AHCY: variants seen among roughly 807,000 people sequenced by gnomAD.
The protein encoded by AHCY is adenosylhomocysteinase, also known as S-adenosyl-L-homocysteine hydrolase.
Under a neutral mutation model 45.4 loss-of-function variants are expected in AHCY, and 24 were observed. That is an observed-to-expected ratio of 0.53 (90% CI 0.38 to 0.74). AHCY has a LOEUF of 0.74. AHCY is among the 30% of genes least tolerant of loss of function. AHCY has a pLI of 0.00. For missense variants in AHCY, 449 were observed against 594.1 expected (o/e 0.76, Z 2.54); for synonymous variants, 245 against 235.1 (o/e 1.04, Z -0.39).
chr20:34,241,434 A>G, the AHCY span: 1 of 985,124 alleles, frequency 1.0e-6, no homozygotes, highest in Non-Finnish European at 1.2e-6. Context: ...GCAAATCTCT[A>G]CAGCTGCAAG....
chr20:34,287,406 T>TC (rs1164329093), intron 8 of AHCY, among the ~76,000 whole-genome samples: 6 of 108,380 alleles, frequency 5.5e-5, no homozygotes, highest in African/African-American at 1.4e-4. Flanking sequence ...TTTTTTTTTT[T>TC]CTGAGACGGA....
intron 1 of AHCY, chr20:34,302,975 C>CA (rs1293910482): frequency 2.0e-6 from 2 of 985,474 alleles, no homozygotes; most frequent in Admixed American, 6.1e-5. Flanking sequence ...TCCCGCGGAG[C>CA]ACGCCGCCAG....
At chr20:34,307,450 G>T (rs2036907365), upstream of AHCY, among the ~76,000 whole-genome samples, 1 of 151,760 alleles carries the variant, frequency 6.6e-6, no homozygotes, top group Non-Finnish European at 1.5e-5. Context: ...TTGGCTCACT[G>T]CAACCTCCTC....
the AHCY span, among the ~76,000 whole-genome samples, chr20:34,241,108 A>C: frequency 6.6e-6 from 1 of 152,168 alleles, no homozygotes; most frequent in African/African-American, 2.4e-5. Flanking sequence ...TTGCACCGTA[A>C]ATAGGAGGAA....
At chr20:34,298,174 G>A (rs2036633719) in intron 1 of AHCY, among the ~76,000 whole-genome samples, 1 of 151,912 alleles carries the variant, frequency 6.6e-6, no homozygotes, top group Admixed American at 6.6e-5. Flanking sequence ...CTGTCCTGTG[G>A]GCGGCAAGCC....
At chr20:34,281,746 G>A (rs564134867) in intron 9 of AHCY, 15 of 172,596 alleles carry the variant, frequency 8.7e-5, no homozygotes, top group Middle Eastern at 3.1e-3. Context: ...TCGGCTCACT[G>A]CAACTTCTAC....
Position 34,303,346 on chromosome 20 carries a change from C to A in AHCY, c.-76G>T. On this transcript the variant is annotated 5_prime_UTR_variant, in exon 1 of 10. Transcript: ENST00000217426. ...GGGAACAGGAACTGGGCGGGCAGCG[C>A]CGAGCAGGGATATGCGCGTGGCGCC... is the stretch of plus-strand genomic sequence containing the variant. 6.5e-7 allele frequency: 1 copy of A among 1,544,096 alleles called. No individual in the cohort carries two copies.
the AHCY span, among the ~76,000 whole-genome samples, chr20:34,251,364 C>T: frequency 5.2e-4 from 79 of 152,064 alleles, no homozygotes; most frequent in Middle Eastern, 0.014. Context: ...TCCACCTCCC[C>T]GGTTCACACC....
the AHCY span, among the ~76,000 whole-genome samples, chr20:34,232,559 T>G: frequency 6.6e-6 from 1 of 152,170 alleles, no homozygotes; most frequent in Non-Finnish European, 1.5e-5. Context: ...CAACCACCTG[T>G]GAATAAGTCT....
chr20:34,298,449 T>C (rs1187140228), intron 1 of AHCY, among the ~76,000 whole-genome samples: 1 of 152,106 alleles, frequency 6.6e-6, no homozygotes, highest in East Asian at 1.9e-4. Flanking sequence ...GCGAGCCTTC[T>C]GTTATGCCCG....
chr20:34,288,333 A>T (rs2036255386), intron 8 of AHCY, among the ~76,000 whole-genome samples: 1 of 152,100 alleles, frequency 6.6e-6, no homozygotes, highest in African/African-American at 2.4e-5. Context: ...CATATCTCAA[A>T]CACGGCACAG....
At chr20:34,246,286 T>C in the AHCY span, 25 of 1,551,608 alleles carry the variant, frequency 1.6e-5, no homozygotes, top group East Asian at 5.3e-4. Context: ...CTTCCCCTGC[T>C]GTTCCTTGAC....
the AHCY span, chr20:34,245,934 T>C: frequency 2.0e-6 from 3 of 1,525,490 alleles, no homozygotes; most frequent in African/African-American, 1.4e-5. Flanking sequence ...GGCCATTAAA[T>C]ACAGACAAAT....
chr20:34,310,526 C>G (rs144717872), intron 1 of AHCY, among the ~76,000 whole-genome samples: 1 of 152,318 alleles, frequency 6.6e-6, no homozygotes, highest in African/African-American at 2.4e-5. Context: ...AACAAGATTA[C>G]AAACCCGCAT....
chr20:34,258,674 C>CATATATATATAT, the AHCY span, among the ~76,000 whole-genome samples: 41 of 12,146 alleles, frequency 3.4e-3, 7 homozygotes, highest in East Asian at 0.03. Context: ...AGGGGGATGC[C>CATATATATATAT]ATATATATAT....
rs143381365 is a variant in AHCY at position 34,288,374 on chromosome 20, C to T, written c.972+1958G>A. On this transcript the variant is annotated intron_variant, in intron 8 of 9. Transcript: ENST00000217426. ...ACTCAAAGAACCTCACATAGGTGGG[C>T]TTTTCTCCCTTTAAAAAATGTGGTG... Among the ~76,000 whole-genome samples, 14 of 152,300 alleles carry T rather than the reference C, an allele frequency of 9.2e-5. No individual in the cohort carries two copies. The East Asian group carries it at 2.5e-3, about 27-fold the overall frequency.
At chr20:34,269,987 AAAG>A in the AHCY span, among the ~76,000 whole-genome samples, 1 of 148,704 alleles carries the variant, frequency 6.7e-6, no homozygotes, top group Non-Finnish European at 1.5e-5. Flanking sequence ...AAACAAGAAA[AAAG>A]AAAGAAATCC....
the AHCY span, among the ~76,000 whole-genome samples, chr20:34,250,868 A>C: frequency 6.6e-6 from 1 of 152,134 alleles, no homozygotes; most frequent in South Asian, 2.1e-4. Context: ...TGAAGGATTA[A>C]GATACAATAC....
the AHCY span, among the ~76,000 whole-genome samples, chr20:34,266,214 T>C: frequency 6.7e-6 from 1 of 150,220 alleles, no homozygotes; most frequent in Non-Finnish European, 1.5e-5. Flanking sequence ...TAGCCGGAGG[T>C]GGTGGCGGGC....
Sources: gnomAD v4.1 joint callset for allele counts (sites outside exome capture counted in the v4.1 genomes callset) on GRCh38, gnomAD v4.1.1 for gene constraint, MANE v1.5 for transcripts, NCBI Gene and HGNC (gene_info 2026-07-23, HGNC 2026-07-21) for gene names.